The following NDUFS4 variants were observed in gnomAD, a reference collection of about 807,000 sequenced individuals.
NDUFS4 encodes the protein NADH:ubiquinone oxidoreductase subunit S4.
NDUFS4 carries 28 observed loss-of-function variants against 24.3 expected under a neutral mutation model. The ratio of observed to expected loss-of-function variants is 1.15; its 90% confidence interval spans 0.85 to 1.58. NDUFS4 has a LOEUF of 1.58. Ranked by LOEUF, NDUFS4 falls within the 40% of genes most tolerant of loss-of-function variation. The pLI is 0.00. For missense variants in NDUFS4, 223 were observed against 207.9 expected, an observed-to-expected ratio of 1.07 and a Z score of -0.45; for synonymous variants, 93 against 69.7, an observed-to-expected ratio of 1.34 and a Z score of -1.67.
intron 4 of NDUFS4, among the ~76,000 whole-genome samples, chr5:53,662,856 C>T (rs1752387851): frequency 6.6e-6 from 1 of 152,134 alleles, no homozygotes; most frequent in East Asian, 1.9e-4. Context: ...TTCTTGCCTT[C>T]TGCTAGCTTT....
intron 2 of NDUFS4, among the ~76,000 whole-genome samples, chr5:53,625,489 T>C (rs1010953281): frequency 5.3e-5 from 8 of 152,216 alleles, no homozygotes; most frequent in Admixed American, 4.6e-4. Flanking sequence ...ATAACACTTA[T>C]ATTGTACTGC....
chr5:53,569,886 G>C (rs1749154210), intron 1 of NDUFS4, among the ~76,000 whole-genome samples: 1 of 152,006 alleles, frequency 6.6e-6, no homozygotes, highest in Admixed American at 6.6e-5. Flanking sequence ...ACTATGTACT[G>C]TACTTTTATT....
chr5:53,640,963 C>T (rs943693522), intron 2 of NDUFS4, among the ~76,000 whole-genome samples: 1 of 152,074 alleles, frequency 6.6e-6, no homozygotes, highest in African/African-American at 2.4e-5. Context: ...TTATTACAAA[C>T]TTCCCTGAGA....
intron 4 of NDUFS4, among the ~76,000 whole-genome samples, chr5:53,673,233 A>G (rs753231685): frequency 1.7e-4 from 26 of 152,118 alleles, no homozygotes; most frequent in Non-Finnish European, 2.2e-4. Context: ...ATAGTTGACA[A>G]CTGTTCTCAA....
intron 1 of NDUFS4, among the ~76,000 whole-genome samples, chr5:53,573,084 A>T (rs1579822648): frequency 7.0e-6 from 1 of 141,950 alleles, no homozygotes. Flanking sequence ...ATTCTTTCCC[A>T]CCTCAGCCTC....
chr5:53,631,369 C>G (rs1459669820), intron 2 of NDUFS4, among the ~76,000 whole-genome samples: 1 of 152,152 alleles, frequency 6.6e-6, no homozygotes, highest in African/African-American at 2.4e-5. Context: ...AGTCAGGGAC[C>G]CACTTGAGGA....
At chr5:53,573,245 G>C (rs1749274661) in intron 1 of NDUFS4, among the ~76,000 whole-genome samples, 1 of 152,098 alleles carries the variant, frequency 6.6e-6, no homozygotes, top group African/African-American at 2.4e-5. Flanking sequence ...AAAGTACTGG[G>C]ATTACAGGTG....
chr5:53,561,643 A>G (rs1210575017), intron 1 of NDUFS4, among the ~76,000 whole-genome samples: 1 of 152,126 alleles, frequency 6.6e-6, no homozygotes, highest in Non-Finnish European at 1.5e-5. Flanking sequence ...GAAAGACTGG[A>G]TGGAGAGATT....
At chr5:53,621,285 G>A (rs1751026280) in intron 2 of NDUFS4, among the ~76,000 whole-genome samples, 1 of 151,912 alleles carries the variant, frequency 6.6e-6, no homozygotes, top group African/African-American at 2.4e-5. Flanking sequence ...GTTTTGTATG[G>A]TACATCTTAT....
At position 53,680,311 on chromosome 5, in the gene NDUFS4, A is replaced by C. The variant is rs1740618879; in HGVS notation, c.425-2807A>C. ...ATTCCTCAGGGATCTAGAACTAGAA[A>C]TACCATTTGACCCAGCCATCCCATT... is the stretch of plus-strand genomic sequence containing the variant. On this transcript the variant is annotated intron_variant, in intron 4 of 4. Transcript: ENST00000296684. Among the ~76,000 whole-genome samples, 6 of 152,282 alleles carry C rather than the reference A, an allele frequency of 3.9e-5. No individual in the cohort carries two copies. In the South Asian group the frequency reaches 1.2e-3, roughly 32 times the overall value.
intron 1 of NDUFS4, among the ~76,000 whole-genome samples, chr5:53,575,870 T>G (rs1445118687): frequency 2.0e-5 from 3 of 152,146 alleles, no homozygotes; most frequent in African/African-American, 7.2e-5. Context: ...ACCAGTTGAT[T>G]CTCAACTGTG....
At chr5:53,586,148 G>A (rs528348918) in intron 1 of NDUFS4, among the ~76,000 whole-genome samples, 2 of 151,898 alleles carry the variant, frequency 1.3e-5, no homozygotes, top group South Asian at 4.2e-4. Flanking sequence ...GACTAACACG[G>A]CGAAACCCCA....
chr5:53,626,619 C>T (rs1023426354), intron 2 of NDUFS4, among the ~76,000 whole-genome samples: 3 of 152,200 alleles, frequency 2.0e-5, no homozygotes, highest in Admixed American at 6.5e-5. Context: ...ATTTGCATTT[C>T]TCTAATGACC....
At chr5:53,663,973 G>A (rs563527354) in intron 4 of NDUFS4, among the ~76,000 whole-genome samples, 2 of 125,416 alleles carry the variant, frequency 1.6e-5, no homozygotes, top group East Asian at 2.0e-4. Context: ...GCTGGTACTT[G>A]TTGTTCCTTT....
At chr5:53,573,195 G>C (rs1412598812) in intron 1 of NDUFS4, among the ~76,000 whole-genome samples, 1 of 151,698 alleles carries the variant, frequency 6.6e-6, no homozygotes, top group Non-Finnish European at 1.5e-5. Flanking sequence ...GGCTGGTCTT[G>C]AACTCCTGGG....
chr5:53,582,630 AC>A (rs1363846682), intron 1 of NDUFS4, among the ~76,000 whole-genome samples: 2 of 152,198 alleles, frequency 1.3e-5, no homozygotes, highest in Non-Finnish European at 2.9e-5. Context: ...TAACAAAATG[AC>A]CTTGAACAAG....
At chr5:53,629,712 T>G (rs1419351549) in intron 2 of NDUFS4, among the ~76,000 whole-genome samples, 1 of 152,186 alleles carries the variant, frequency 6.6e-6, no homozygotes, top group Non-Finnish European at 1.5e-5. Context: ...CCCTCCTTTT[T>G]TTTTCTTTCC....
intron 4 of NDUFS4, among the ~76,000 whole-genome samples, chr5:53,660,908 T>C (rs919298955): frequency 1.3e-5 from 2 of 152,244 alleles, no homozygotes; most frequent in African/African-American, 2.4e-5. Context: ...TAGCCCTTTG[T>C]CAGATGACCA....
intron 1 of NDUFS4, among the ~76,000 whole-genome samples, chr5:53,584,411 A>C (rs1294956058): frequency 1.3e-5 from 2 of 151,994 alleles, no homozygotes; most frequent in Admixed American, 6.6e-5. Flanking sequence ...GCTGGAGTGC[A>C]ATGGCGCGAT....
Sources: allele counts gnomAD v4.1 joint callset (sites outside exome capture counted in the v4.1 genomes callset), GRCh38; gene constraint gnomAD v4.1.1; transcripts MANE v1.5; gene names NCBI Gene and HGNC (gene_info 2026-07-23, HGNC 2026-07-21).